Variants in MAP2 observed in about 807,000 individuals in gnomAD.
MAP2 encodes microtubule associated protein 2, also known as microtubule-associated protein 2.
In MAP2, 14 loss-of-function variants were observed where a neutral mutation model predicts 137.6. The ratio of observed to expected loss-of-function variants is 0.10; its 90% confidence interval spans 0.07 to 0.16. MAP2 has a LOEUF of 0.16. Among genes scored for constraint, MAP2 ranks in the 10% least tolerant of loss-of-function variants. The probability of loss-of-function intolerance (pLI) is 1.00; values close to 1 mark genes in which losing one functional copy is unlikely to be tolerated. For synonymous variants in MAP2, 786 were observed against 782.3 expected, an observed-to-expected ratio of 1.00 and a Z score of -0.08; for missense variants, 2,088 against 2,191.5, an observed-to-expected ratio of 0.95 and a Z score of 0.94.
intron 1 of MAP2, among the ~76,000 whole-genome samples, chr2:209,501,253 A>T (rs751252044): frequency 1.3e-5 from 2 of 152,224 alleles, no homozygotes; most frequent in Admixed American, 6.5e-5. Flanking sequence ...GAGAAGCATA[A>T]GAAATATAAA....
chr2:209,697,679 A>C (rs539124358), intron 10 of MAP2, among the ~76,000 whole-genome samples: 3 of 152,308 alleles, frequency 2.0e-5, no homozygotes, highest in South Asian at 2.1e-4. Flanking sequence ...CACTCTACTG[A>C]ACTACATCTC....
At chr2:209,504,112 A>G (rs533179429) in intron 1 of MAP2, among the ~76,000 whole-genome samples, 16 of 151,902 alleles carry the variant, frequency 1.1e-4, no homozygotes, top group African/African-American at 2.7e-4. Flanking sequence ...AAAAAAAAAA[A>G]AGAGAGAGAC....
intron 2 of MAP2, among the ~76,000 whole-genome samples, chr2:209,571,881 C>G (rs906302509): frequency 1.3e-5 from 2 of 151,916 alleles, no homozygotes; most frequent in Admixed American, 6.6e-5. Context: ...TTCTTTCTCT[C>G]TCTCCATTTA....
chr2:209,507,122 C>G (rs1464913343), intron 1 of MAP2, among the ~76,000 whole-genome samples: 1 of 152,108 alleles, frequency 6.6e-6, no homozygotes, highest in Non-Finnish European at 1.5e-5. Context: ...GGCCCCACCT[C>G]CAAATATCAC....
intron 2 of MAP2, among the ~76,000 whole-genome samples, chr2:209,516,498 A>G (rs1275521000): frequency 6.6e-6 from 1 of 152,116 alleles, no homozygotes; most frequent in African/African-American, 2.4e-5. Flanking sequence ...GGAGTATTAG[A>G]CCAATAGAGG....
intron 3 of MAP2, among the ~76,000 whole-genome samples, chr2:209,587,347 G>A (rs1229572159): frequency 1.3e-5 from 2 of 152,138 alleles, no homozygotes; most frequent in Admixed American, 6.6e-5. Flanking sequence ...GGGAACAGAA[G>A]ATAGTCTCTG....
chr2:209,653,487 T>A, intron 5 of MAP2, 55 bp downstream of exon 5: 2 of 1,522,616 alleles, frequency 1.3e-6, no homozygotes, highest in South Asian at 1.3e-5. Context: ...GAAGTCAGTT[T>A]AGTCTGAAAG....
chr2:209,482,262 C>T (rs2057807539), intron 1 of MAP2, among the ~76,000 whole-genome samples: 1 of 151,974 alleles, frequency 6.6e-6, no homozygotes, highest in Non-Finnish European at 1.5e-5. Flanking sequence ...TATAGATATC[C>T]AACATTACAC....
chr2:209,691,092 A>C, intron 7 of MAP2, among the ~76,000 whole-genome samples: 1 of 152,210 alleles, frequency 6.6e-6, no homozygotes, highest in Admixed American at 6.5e-5. Flanking sequence ...CTTTGCAGCC[A>C]GGCTGATGAT....
chr2:209,447,744 C>T (rs1384571629), intron 1 of MAP2, among the ~76,000 whole-genome samples: 1 of 151,976 alleles, frequency 6.6e-6, no homozygotes, highest in Admixed American at 6.6e-5. Context: ...GAGACCTGTA[C>T]TATCAGTACT....
At chr2:209,490,280 C>G (rs1489433954) in intron 1 of MAP2, among the ~76,000 whole-genome samples, 2 of 152,074 alleles carry the variant, frequency 1.3e-5, no homozygotes. Context: ...GATGGAAGCG[C>G]TAAATGTAGC....
intron 1 of MAP2, among the ~76,000 whole-genome samples, chr2:209,448,299 A>C (rs947489354): frequency 3.9e-5 from 6 of 152,268 alleles, no homozygotes; most frequent in African/African-American, 1.4e-4. Flanking sequence ...TAACCATGAA[A>C]AGACCATTTC....
chr2:209,577,996 T>C (rs2075615785), intron 2 of MAP2, among the ~76,000 whole-genome samples: 1 of 152,102 alleles, frequency 6.6e-6, no homozygotes, highest in African/African-American at 2.4e-5. Flanking sequence ...CTGTAGCAAA[T>C]ACAAGAAGGT....
chr2:209,724,670 A>G (rs2073132441), intron 13 of MAP2, among the ~76,000 whole-genome samples: 1 of 152,138 alleles, frequency 6.6e-6, no homozygotes, highest in Non-Finnish European at 1.5e-5. Context: ...TGAGCATAAA[A>G]CTGTCATTGT....
intron 7 of MAP2, among the ~76,000 whole-genome samples, chr2:209,681,604 G>C (rs568166533): frequency 2.0e-5 from 3 of 152,296 alleles, no homozygotes; most frequent in Middle Eastern, 3.4e-3. Flanking sequence ...TTTATTGTTT[G>C]AGAGTCACAG....
At chr2:209,583,736 A>G (rs1488392824) in intron 3 of MAP2, among the ~76,000 whole-genome samples, 3 of 151,512 alleles carry the variant, frequency 2.0e-5, no homozygotes, top group Non-Finnish European at 4.4e-5. Flanking sequence ...AGTAGTACCA[A>G]GGCTCACTGG....
intron 1 of MAP2, among the ~76,000 whole-genome samples, chr2:209,496,561 A>G (rs561814233): frequency 6.6e-6 from 1 of 152,224 alleles, no homozygotes; most frequent in East Asian, 1.9e-4. Context: ...ACGTAAAATC[A>G]TACCCTCCAT....
chr2:209,513,396 T>C (rs552857139), intron 2 of MAP2, among the ~76,000 whole-genome samples: 41 of 152,172 alleles, frequency 2.7e-4, no homozygotes, highest in African/African-American at 9.4e-4. Flanking sequence ...TTTACACTTA[T>C]GCGTGCTGTC....
At chr2:209,522,860 G>A (rs114778193) in intron 2 of MAP2, among the ~76,000 whole-genome samples, 257 of 152,234 alleles carry the variant, frequency 1.7e-3, no homozygotes, top group African/African-American at 5.9e-3. Context: ...TCAAAGAGAT[G>A]TCAACTAACT....
Sources: gnomAD v4.1 joint callset for allele counts (sites outside exome capture counted in the v4.1 genomes callset) on GRCh38, gnomAD v4.1.1 for gene constraint, MANE v1.5 for transcripts, NCBI Gene and HGNC (gene_info 2026-07-23, HGNC 2026-07-21) for gene names.